The following NEGR1 variants were observed in gnomAD, a reference collection of about 807,000 sequenced individuals.
NEGR1 encodes the protein neuronal growth regulator 1.
NEGR1 carries 10 observed loss-of-function variants against 40.9 expected under a neutral mutation model. The ratio of observed to expected loss-of-function variants is 0.24; its 90% CI spans 0.15 to 0.42. The LOEUF (loss-of-function observed/expected upper bound fraction) is 0.42. Ranked by LOEUF, NEGR1 falls within the 10% of genes least tolerant of loss-of-function variation. The probability of loss-of-function intolerance (pLI) is 1.00; values close to 1 mark genes in which losing one functional copy is unlikely to be tolerated. For synonymous variants in NEGR1, 185 were observed against 166.8 expected (o/e 1.11, Z -0.84); for missense variants, 352 against 438.9 (o/e 0.80, Z 1.77).
In NEGR1 at chr1:71,491,782, TA is replaced by T. The variant is rs1187697498; in HGVS notation, c.941-84213del. ...AGAAACAGGACACACACCAAATGTATAAAACAGAAAATAAGACAGAAGAATG... is the reference window on the plus strand; with the variant it reads ...AGAAACAGGACACACACCAAATGTATAAACAGAAAATAAGACAGAAGAATG... On this transcript the variant is annotated intron_variant, in intron 6 of 6. Transcript: ENST00000357731. 2.6e-5 allele frequency among the ~76,000 whole-genome samples: 4 copies of T among 152,142 alleles called. No individual in the cohort carries two copies. In the East Asian group the frequency reaches 7.8e-4, roughly 29 times the overall value.
chr1:72,048,941 A>G (rs1647029912), intron 1 of NEGR1, among the ~76,000 whole-genome samples: 1 of 151,636 alleles, frequency 6.6e-6, no homozygotes, highest in Non-Finnish European at 1.5e-5. Flanking sequence ...AAGGATCCAG[A>G]TAAGTAATCA....
At chr1:71,756,404 AAAC>A (rs368937718) in intron 3 of NEGR1, among the ~76,000 whole-genome samples, 33,779 of 137,186 alleles carry the variant, frequency 0.25, 4,134 homozygotes, top group East Asian at 0.49. Flanking sequence ...CAAAAAACAA[AAAC>A]AAACAAAAAA....
At chr1:72,157,350 T>G (rs1303785606) in intron 1 of NEGR1, among the ~76,000 whole-genome samples, 1 of 152,312 alleles carries the variant, frequency 6.6e-6, no homozygotes, top group Admixed American at 6.5e-5. Context: ...AAAGTATTTT[T>G]ATTCATACAT....
intron 4 of NEGR1, among the ~76,000 whole-genome samples, chr1:71,614,020 C>T (rs1001992834): frequency 6.6e-6 from 1 of 151,888 alleles, no homozygotes; most frequent in Non-Finnish European, 1.5e-5. Flanking sequence ...CTAGGAAATA[C>T]ATCATTTTCT....
intron 2 of NEGR1, among the ~76,000 whole-genome samples, chr1:71,857,129 T>G (rs1250152613): frequency 6.6e-6 from 1 of 152,020 alleles, no homozygotes; most frequent in Non-Finnish European, 1.5e-5. Flanking sequence ...ATTCTTTCCA[T>G]TCAACTTCTG....
At chr1:72,003,475 T>C (rs940383775) in intron 1 of NEGR1, among the ~76,000 whole-genome samples, 17 of 151,924 alleles carry the variant, frequency 1.1e-4, no homozygotes, top group Non-Finnish European at 7.4e-5. Flanking sequence ...CAGGATGGCA[T>C]AGCAAGTAAA....
intron 6 of NEGR1, among the ~76,000 whole-genome samples, chr1:71,554,051 T>C (rs1338349594): frequency 1.3e-5 from 2 of 151,520 alleles, no homozygotes; most frequent in African/African-American, 4.8e-5. Context: ...ATTAATACTT[T>C]TGAGAATTAA....
chr1:71,870,711 A>T (rs186022414), intron 2 of NEGR1, among the ~76,000 whole-genome samples: 65 of 152,254 alleles, frequency 4.3e-4, no homozygotes, highest in African/African-American at 1.4e-3. Flanking sequence ...TAGGTTGAAA[A>T]ATCACAGACC....
At chr1:71,671,087 T>A (rs890191820) in intron 4 of NEGR1, among the ~76,000 whole-genome samples, 2 of 152,250 alleles carry the variant, frequency 1.3e-5, no homozygotes, top group Non-Finnish European at 2.9e-5. Flanking sequence ...TATATTTTTA[T>A]ACTTTAACTT....
intron 1 of NEGR1, among the ~76,000 whole-genome samples, chr1:72,193,188 T>C (rs1652879620): frequency 6.6e-6 from 1 of 151,822 alleles, no homozygotes; most frequent in African/African-American, 2.4e-5. Flanking sequence ...TGTACAGCTA[T>C]TGTTTTGTCG....
intron 1 of NEGR1, among the ~76,000 whole-genome samples, chr1:71,991,612 T>A (rs895136078): frequency 2.0e-5 from 3 of 152,118 alleles, no homozygotes; most frequent in African/African-American, 4.8e-5. Flanking sequence ...TATAATTACT[T>A]CTATCAAAAT....
chr1:72,047,000 G>A (rs140158979), intron 1 of NEGR1, among the ~76,000 whole-genome samples: 1 of 151,450 alleles, frequency 6.6e-6, no homozygotes, highest in African/African-American at 2.4e-5. Flanking sequence ...ACGCAGAATG[G>A]TAAACAGATT....
intron 1 of NEGR1, among the ~76,000 whole-genome samples, chr1:72,262,826 G>C (rs1655504136): frequency 6.6e-6 from 1 of 151,578 alleles, no homozygotes; most frequent in African/African-American, 2.4e-5. Context: ...AGATCATGTT[G>C]GTCAGTTAAC....
At chr1:71,589,754 C>T (rs1178574665) in intron 6 of NEGR1, among the ~76,000 whole-genome samples, 2 of 96,502 alleles carry the variant, frequency 2.1e-5, no homozygotes, top group Non-Finnish European at 4.7e-5. Context: ...TGCTATTTTG[C>T]CTTTAGAATT....
At chr1:71,923,973 A>G (rs1645747041) in intron 2 of NEGR1, among the ~76,000 whole-genome samples, 1 of 151,074 alleles carries the variant, frequency 6.6e-6, no homozygotes, top group African/African-American at 2.4e-5. Context: ...CAGTGGCACG[A>G]TCACCACTCA....
intron 6 of NEGR1, among the ~76,000 whole-genome samples, chr1:71,544,967 C>T (rs1198472410): frequency 6.6e-6 from 1 of 151,640 alleles, no homozygotes; most frequent in Admixed American, 6.6e-5. Flanking sequence ...TTCCTGAGTG[C>T]CTGGGCAGGT....
chr1:71,452,101 T>C (rs1646633527), intron 6 of NEGR1, among the ~76,000 whole-genome samples: 1 of 152,218 alleles, frequency 6.6e-6, no homozygotes, highest in South Asian at 2.1e-4. Flanking sequence ...TGATACTTGA[T>C]AAATTGTGCC....
chr1:72,133,777 A>G (rs1181952402), intron 1 of NEGR1, among the ~76,000 whole-genome samples: 1 of 151,524 alleles, frequency 6.6e-6, no homozygotes, highest in Non-Finnish European at 1.5e-5. Flanking sequence ...AGAAAAAATA[A>G]TTAATTATAT....
intron 1 of NEGR1, among the ~76,000 whole-genome samples, chr1:71,943,016 GTGTATATATATACACACATACA>G (rs1570536280): frequency 0.011 from 1,412 of 128,274 alleles, 23 homozygotes; most frequent in Non-Finnish European, 0.014. Context: ...ATATATATAT[GTGTATATATATACACACATACA>G]TATATATGTG....
Sources: gnomAD v4.1 joint callset for allele counts (sites outside exome capture counted in the v4.1 genomes callset) on GRCh38, gnomAD v4.1.1 for gene constraint, MANE v1.5 for transcripts, NCBI Gene and HGNC (gene_info 2026-07-23, HGNC 2026-07-21) for gene names.